NEK11: variants seen among roughly 807,000 people sequenced by gnomAD.
The protein encoded by NEK11 is serine/threonine-protein kinase Nek11.
Under a neutral mutation model 80.7 loss-of-function variants are expected in NEK11, and 72 were observed. The ratio of observed to expected loss-of-function variants is 0.89; its 90% CI spans 0.74 to 1.08. The LOEUF (loss-of-function observed/expected upper bound fraction) is 1.08, where lower values mean the gene tolerates loss of function less well. Ranked by LOEUF, NEK11 falls within the 50% of genes least tolerant of loss-of-function variation. The pLI is 0.00. For missense variants in NEK11, 764 were observed against 763.6 expected (o/e 1.00, Z -0.01); for synonymous variants, 251 against 260.7 (o/e 0.96, Z 0.36).
At chr3:131,336,834 C>G (rs1457838431) in intron 17 of NEK11, among the ~76,000 whole-genome samples, 2 of 152,212 alleles carry the variant, frequency 1.3e-5, no homozygotes, top group Non-Finnish European at 2.9e-5. Context: ...CAAAAGAAGA[C>G]ATTTATGCAG....
intron 17 of NEK11, among the ~76,000 whole-genome samples, chr3:131,333,366 C>T (rs1230255913): frequency 9.2e-5 from 14 of 152,116 alleles, no homozygotes; most frequent in South Asian, 8.3e-4. Context: ...CCAGCCAAAC[C>T]AAGCTTCATA....
intron 17 of NEK11, among the ~76,000 whole-genome samples, chr3:131,332,819 T>TGCAGAAGCC (rs1352076730): frequency 6.6e-6 from 1 of 152,018 alleles, no homozygotes; most frequent in Non-Finnish European, 1.5e-5. Flanking sequence ...GCGTGAAGAA[T>TGCAGAAGCC]GCAGAAGCCT....
chr3:131,277,129 A>T (rs1022738964), intron 17 of NEK11, among the ~76,000 whole-genome samples: 2 of 152,224 alleles, frequency 1.3e-5, no homozygotes, highest in African/African-American at 4.8e-5. Context: ...ACATTTAATT[A>T]TAGGAAGTTT....
chr3:131,323,790 CTCT>C (rs1472883877), intron 17 of NEK11, among the ~76,000 whole-genome samples: 1 of 152,250 alleles, frequency 6.6e-6, no homozygotes, highest in Admixed American at 6.5e-5. Context: ...TTTTAAAGTC[CTCT>C]TCTTAATGAG....
chr3:131,220,097 A>G (rs772128593), intron 14 of NEK11, among the ~76,000 whole-genome samples: 16 of 152,194 alleles, frequency 1.1e-4, no homozygotes, highest in Middle Eastern at 6.8e-3. Context: ...TTTGACTTCA[A>G]TTTCTTTTTG....
chr3:131,275,290 T>C (rs1285065272), intron 17 of NEK11, among the ~76,000 whole-genome samples: 1 of 152,226 alleles, frequency 6.6e-6, no homozygotes, highest in East Asian at 1.9e-4. Flanking sequence ...GTTTGCTTAT[T>C]TTACCCGTAA....
intron 3 of NEK11, among the ~76,000 whole-genome samples, chr3:131,056,672 A>G (rs1416034597): frequency 6.6e-6 from 1 of 152,194 alleles, no homozygotes; most frequent in Non-Finnish European, 1.5e-5. Context: ...TTGGTCAGAA[A>G]TCATTGCCAG....
At chr3:131,083,283 C>T (rs1018662491) in intron 4 of NEK11, among the ~76,000 whole-genome samples, 27 of 152,222 alleles carry the variant, frequency 1.8e-4, no homozygotes, top group Admixed American at 8.5e-4. Flanking sequence ...CATCCGGAAT[C>T]ATCTGTGTTG....
intron 7 of NEK11, among the ~76,000 whole-genome samples, chr3:131,141,017 T>C (rs2086772802): frequency 6.6e-6 from 1 of 152,182 alleles, no homozygotes; most frequent in African/African-American, 2.4e-5. Flanking sequence ...TGTTCACTGA[T>C]GTCACATTAG....
At chr3:131,061,099 A>C (rs1039091653) in intron 3 of NEK11, among the ~76,000 whole-genome samples, 1 of 151,356 alleles carries the variant, frequency 6.6e-6, no homozygotes, top group African/African-American at 2.4e-5. Flanking sequence ...GCTATAGATC[A>C]AACTTTCCAC....
chr3:131,113,797 A>C (rs969805126), intron 5 of NEK11, among the ~76,000 whole-genome samples: 1 of 151,622 alleles, frequency 6.6e-6, no homozygotes, highest in African/African-American at 2.4e-5. Flanking sequence ...CTGTAATCCC[A>C]GCTACTTGGA....
At chr3:131,118,582 G>T (rs188281214) in intron 5 of NEK11, among the ~76,000 whole-genome samples, 1 of 152,180 alleles carries the variant, frequency 6.6e-6, no homozygotes, top group African/African-American at 2.4e-5. Context: ...GTAGAATTCG[G>T]CTGTGAATCC....
At chr3:131,152,734 G>A in intron 9 of NEK11, 25 bp downstream of exon 9, 4 of 1,508,632 alleles carry the variant, frequency 2.7e-6, no homozygotes, top group Non-Finnish European at 2.8e-6. Context: ...AGGGATTCTG[G>A]GAAACAGGTA....
chr3:131,207,469 G>C (rs2094476633), intron 14 of NEK11, among the ~76,000 whole-genome samples: 3 of 152,128 alleles, frequency 2.0e-5, no homozygotes, highest in African/African-American at 7.2e-5. Flanking sequence ...TGTAGTCCCA[G>C]CTACTCGGGA....
chr3:131,122,373 C>CA (rs1343319601), intron 5 of NEK11, among the ~76,000 whole-genome samples: 2 of 152,188 alleles, frequency 1.3e-5, no homozygotes, highest in African/African-American at 4.8e-5. Flanking sequence ...ACCCCTGAGC[C>CA]AGGTGTAGGC....
At chr3:131,137,543 A>G (rs1056149940) in intron 7 of NEK11, among the ~76,000 whole-genome samples, 7 of 152,166 alleles carry the variant, frequency 4.6e-5, no homozygotes, top group African/African-American at 1.2e-4. Flanking sequence ...GAAGAAAGCT[A>G]TTGACCAGGG....
chr3:131,343,546 T>C (rs1004672337), intron 17 of NEK11, among the ~76,000 whole-genome samples: 3 of 152,220 alleles, frequency 2.0e-5, no homozygotes, highest in African/African-American at 7.2e-5. Context: ...ACTGCCCTAG[T>C]AGAGTATCTC....
At chr3:131,284,277 G>A (rs2096443045) in intron 17 of NEK11, among the ~76,000 whole-genome samples, 1 of 152,162 alleles carries the variant, frequency 6.6e-6, no homozygotes, top group African/African-American at 2.4e-5. Context: ...CTGTAGCCCA[G>A]ATGTCAGCCA....
rs753408315 is a variant in NEK11 at position 131,243,491 on chromosome 3, C to T, written c.1616C>T (p.Ser539Phe). 10 of 1,612,056 alleles carry T rather than the reference C, an allele frequency of 6.2e-6. No homozygotes were observed. Among genetic ancestry groups the T allele is most frequent in the Non-Finnish European group, 8.5e-6 (10 of 1,178,556 alleles). The change falls in exon 16 of 18, where the codon TCT (serine) becomes TTT (phenylalanine). Residue 539 changes from serine (S) to phenylalanine (F), a missense_variant. By Grantham distance (155) the Ser-to-Phe change is radical. Transcript: ENST00000383366. Reference protein sequence around the residue: ...RCLENVLGCTSLDTKTITTMA... With the variant: ...RCLENVLGCTFLDTKTITTMA... Reference sequence around the variant, plus strand: ...TTGGAAAATGTCCTGGGTTGCACTTCTCTAGGTGAGTAAGTTCCTTTAGGC... The same window carrying T: ...TTGGAAAATGTCCTGGGTTGCACTTTTCTAGGTGAGTAAGTTCCTTTAGGC...
Sources: gnomAD v4.1 joint callset for allele counts (sites outside exome capture counted in the v4.1 genomes callset) on GRCh38, gnomAD v4.1.1 for gene constraint, MANE v1.5 for transcripts, NCBI Gene and HGNC (gene_info 2026-07-23, HGNC 2026-07-21) for gene names.